Variants in PEPD observed in about 807,000 individuals in gnomAD.
PEPD encodes the protein xaa-Pro dipeptidase.
PEPD carries 53 observed loss-of-function variants against 60.7 expected under a neutral mutation model. That is an observed-to-expected ratio of 0.87 (90% CI 0.70 to 1.10). The LOEUF is 1.10. PEPD is among the 50% of genes least tolerant of loss of function. The probability of loss-of-function intolerance (pLI) is 0.00; values close to 1 mark genes in which losing one functional copy is unlikely to be tolerated. For synonymous variants in PEPD, 267 were observed against 284.1 expected (o/e 0.94, Z 0.60); for missense variants, 711 against 711.9 (o/e 1.00, Z 0.01).
In PEPD at chr19:33,482,319, T is replaced by C. The variant is rs1048974768; in HGVS notation, c.504-4229A>G. Among the ~76,000 whole-genome samples, 6 of 152,284 alleles carry C rather than the reference T, an allele frequency of 3.9e-5. No homozygotes were observed. The South Asian group carries it at 8.3e-4, about 21-fold the overall frequency. ...AGAAATCAATGTAACACATCAATCA[T>C]ATTAATAGAACACATAATAAAACCA... On this transcript the variant is annotated intron_variant, in intron 6 of 14. Transcript: ENST00000244137.
intron 7 of PEPD, among the ~76,000 whole-genome samples, chr19:33,469,308 T>C (rs1970078480): frequency 6.6e-6 from 1 of 152,024 alleles, no homozygotes; most frequent in Admixed American, 6.5e-5. Context: ...CCAGGGGAAG[T>C]CATGCACTGG....
At chr19:33,509,954 C>T (rs989459075) in intron 3 of PEPD, among the ~76,000 whole-genome samples, 10 of 152,308 alleles carry the variant, frequency 6.6e-5, no homozygotes, top group East Asian at 1.9e-4. Flanking sequence ...ACCTGCGCTG[C>T]GTCCAGAGGA....
chr19:33,427,075 T>C (rs1344828124), intron 9 of PEPD, among the ~76,000 whole-genome samples: 2 of 152,246 alleles, frequency 1.3e-5, no homozygotes, highest in African/African-American at 4.8e-5. Flanking sequence ...AACGTTATTT[T>C]AGTCACACTT....
chr19:33,502,071 C>T (rs1970723579), intron 3 of PEPD, among the ~76,000 whole-genome samples: 1 of 152,156 alleles, frequency 6.6e-6, no homozygotes, highest in African/African-American at 2.4e-5. Context: ...AAGCCACCAC[C>T]CCCAGGCTCT....
At chr19:33,484,364 A>ACGCATACACACGTG (rs1970361211) in intron 6 of PEPD, among the ~76,000 whole-genome samples, 1 of 152,234 alleles carries the variant, frequency 6.6e-6, no homozygotes, top group South Asian at 2.1e-4. Flanking sequence ...CAACGTACGT[A>ACGCATACACACGTG]CGCATACACA....
rs121917722 is a variant in PEPD, at chr19:33,464,060, C to T, written c.551G>A (p.Arg184Gln). The change falls in exon 8 of 15, where the codon CGA becomes CAA. Residue 184 changes from arginine to glutamine, a missense_variant and splice_region_variant. Transcript: ENST00000244137. ...TILHPEIVEC[R>Q]VFKTDMELEV... ...CAGCTCCATATCCGTCTTAAACACT[C>T]GGCTTCAGAGACAGAAGAACAAAGC... 22 of 1,611,228 alleles carry T rather than the reference C, an allele frequency of 1.4e-5. No homozygotes were observed. Among genetic ancestry groups the T allele is most frequent in the African/African-American group, 6.7e-5 (5 of 74,976 alleles).
chr19:33,443,786 G>C (rs1221400320), intron 9 of PEPD, among the ~76,000 whole-genome samples: 2 of 152,222 alleles, frequency 1.3e-5, no homozygotes, highest in Non-Finnish European at 2.9e-5. Context: ...ACGCACATGC[G>C]CATGCACACA....
At chr19:33,494,954 G>A (rs1970571577) in intron 4 of PEPD, among the ~76,000 whole-genome samples, 1 of 151,550 alleles carries the variant, frequency 6.6e-6, no homozygotes. Flanking sequence ...CTAAAACAGT[G>A]AAACCCCATC....
At chr19:33,521,092 C>T (rs957057630) in intron 1 of PEPD, among the ~76,000 whole-genome samples, 1 of 152,236 alleles carries the variant, frequency 6.6e-6, no homozygotes, top group Admixed American at 6.5e-5. Context: ...CCTCCCACTA[C>T]GACCACTCAG....
intron 4 of PEPD, among the ~76,000 whole-genome samples, chr19:33,494,067 C>T (rs1051090195): frequency 6.6e-6 from 1 of 152,208 alleles, no homozygotes; most frequent in Non-Finnish European, 1.5e-5. Context: ...TCCTCTACTG[C>T]CCCACTGACA....
chr19:33,495,581 G>C (rs1362094243), intron 4 of PEPD, among the ~76,000 whole-genome samples: 1 of 152,072 alleles, frequency 6.6e-6, no homozygotes, highest in African/African-American at 2.4e-5. Flanking sequence ...CCATGCTCCT[G>C]GCCCAATGAT....
intron 4 of PEPD, among the ~76,000 whole-genome samples, chr19:33,493,800 T>C (rs966876438): frequency 2.0e-5 from 3 of 151,770 alleles, no homozygotes; most frequent in Non-Finnish European, 4.4e-5. Context: ...GAGTTGGCCT[T>C]CCCCAATCCC....
At chr19:33,489,885 T>C (rs1970465058) in intron 6 of PEPD, 111 bp downstream of exon 6, 2 of 698,798 alleles carry the variant, frequency 2.9e-6, no homozygotes, top group Non-Finnish European at 5.1e-6. Context: ...CCAAACTCCT[T>C]AAAAAGAAGT....
intron 9 of PEPD, among the ~76,000 whole-genome samples, chr19:33,444,292 C>T (rs796821464): frequency 7.2e-5 from 11 of 152,166 alleles, no homozygotes; most frequent in African/African-American, 2.6e-4. Context: ...AGCGCCAGCA[C>T]CCTGGGGATC....
intron 6 of PEPD, among the ~76,000 whole-genome samples, chr19:33,480,719 G>A (rs900629338): frequency 3.9e-5 from 6 of 152,000 alleles, no homozygotes; most frequent in Non-Finnish European, 5.9e-5. Context: ...CGCTTGAACC[G>A]AGGAGGCGGA....
At chr19:33,494,195 T>C (rs73926522) in intron 4 of PEPD, among the ~76,000 whole-genome samples, 7,595 of 152,130 alleles carry the variant, frequency 0.05, 635 homozygotes, top group African/African-American at 0.17. Context: ...GACCCTCTTG[T>C]TTCTGAGCAC....
At position 33,419,033 on chromosome 19, in the gene PEPD, G is replaced by A. The variant is rs565794506; in HGVS notation, c.672-5390C>T. Reference sequence around the variant, plus strand: ...GCTTCAGCAGCTTGCTCTGCTGCCCGGAGCTCCTCACTCCCTCTTCCTGCC... The same window carrying A: ...GCTTCAGCAGCTTGCTCTGCTGCCCAGAGCTCCTCACTCCCTCTTCCTGCC... On this transcript the variant is annotated intron_variant, in intron 9 of 14. Transcript: ENST00000244137. 3.0e-4 allele frequency among the ~76,000 whole-genome samples: 46 copies of A among 152,262 alleles called. No individual in the cohort carries two copies. In the South Asian group the frequency reaches 7.5e-3, roughly 25 times the overall value.
chr19:33,425,542 G>A (rs1223729888), intron 9 of PEPD, among the ~76,000 whole-genome samples: 6 of 152,258 alleles, frequency 3.9e-5, no homozygotes, highest in Non-Finnish European at 8.8e-5. Context: ...ACGAGTCCAC[G>A]GGATGACATT....
intron 13 of PEPD, 85 bp downstream of exon 13, chr19:33,391,210 C>A: frequency 9.1e-7 from 1 of 1,093,420 alleles, no homozygotes. Context: ...ACGCCTGCTG[C>A]CTCCTAGAGT....
Sources: allele counts gnomAD v4.1 joint callset (sites outside exome capture counted in the v4.1 genomes callset), GRCh38; gene constraint gnomAD v4.1.1; transcripts MANE v1.5; gene names NCBI Gene and HGNC (gene_info 2026-07-23, HGNC 2026-07-21).